Variants in SLC4A10 observed in about 807,000 individuals in gnomAD.
SLC4A10 encodes sodium-driven chloride bicarbonate exchanger.
In SLC4A10, 42 loss-of-function variants were observed where a neutral mutation model predicts 137.7. The observed-to-expected ratio is 0.30, with a 90% CI of 0.24 to 0.39. The LOEUF (loss-of-function observed/expected upper bound fraction) is 0.39, where lower values mean the gene tolerates loss of function less well. Among genes scored for constraint, SLC4A10 ranks in the 10% least tolerant of loss-of-function variants. The pLI is 1.00. For missense variants in SLC4A10, 925 were observed against 1,355.0 expected (o/e 0.68, Z 4.98); for synonymous variants, 474 against 464.1 (o/e 1.02, Z -0.27).
chr2:161,877,569 C>T (rs556668760), intron 8 of SLC4A10, among the ~76,000 whole-genome samples: 3 of 152,010 alleles, frequency 2.0e-5, no homozygotes, highest in Admixed American at 6.6e-5. Context: ...TAAATACCTA[C>T]AAAAATACCA....
At chr2:161,708,590 A>G in intron 1 of SLC4A10, 3 of 1,231,434 alleles carry the variant, frequency 2.4e-6, no homozygotes, top group South Asian at 3.4e-5. Context: ...GGTGTTTGTA[A>G]CTGCACAGGG....
intron 1 of SLC4A10, chr2:161,708,782 G>T: frequency 6.5e-7 from 1 of 1,532,784 alleles, no homozygotes; most frequent in South Asian, 1.2e-5. Flanking sequence ...AAATAGAAAG[G>T]TCATGCAGTC....
chr2:161,633,197 G>T (rs2033869093), intron 1 of SLC4A10, among the ~76,000 whole-genome samples: 1 of 151,634 alleles, frequency 6.6e-6, no homozygotes, highest in African/African-American at 2.4e-5. Flanking sequence ...TTTACAGTGG[G>T]TTTACCAGGG....
intron 5 of SLC4A10, among the ~76,000 whole-genome samples, chr2:161,859,260 C>T (rs2125873881): frequency 6.9e-6 from 1 of 144,244 alleles, no homozygotes; most frequent in East Asian, 2.2e-4. Flanking sequence ...AGGCCTTTTT[C>T]CACAAGTGCT....
chr2:161,734,402 C>A (rs1396410861), intron 1 of SLC4A10, among the ~76,000 whole-genome samples: 1 of 152,092 alleles, frequency 6.6e-6, no homozygotes. Context: ...TTTTGCATCT[C>A]TCTCATTTTT....
At chr2:161,947,838 GT>G in intron 17 of SLC4A10, 111 bp downstream of exon 17, 5 of 1,213,222 alleles carry the variant, frequency 4.1e-6, no homozygotes, top group Non-Finnish European at 5.7e-6. Context: ...GAGCTGCCAG[GT>G]TAGTTGTGGA....
intron 1 of SLC4A10, among the ~76,000 whole-genome samples, chr2:161,745,862 C>G (rs1282791990): frequency 1.3e-5 from 2 of 152,130 alleles, no homozygotes; most frequent in African/African-American, 4.8e-5. Context: ...TGTGTAAAAT[C>G]TCAGAAAATA....
chr2:161,910,837 C>T (rs917385808), intron 15 of SLC4A10, among the ~76,000 whole-genome samples: 2 of 151,838 alleles, frequency 1.3e-5, no homozygotes, highest in Admixed American at 6.6e-5. Flanking sequence ...AGAAGAGTAT[C>T]CTCTCTCTCA....
At chr2:161,820,169 A>C (rs1425688534) in intron 3 of SLC4A10, among the ~76,000 whole-genome samples, 1 of 152,294 alleles carries the variant, frequency 6.6e-6, no homozygotes, top group Admixed American at 6.5e-5. Flanking sequence ...TTAGGTGGTA[A>C]ATTGTGCACA....
At chr2:161,697,691 C>T (rs1195406830) in intron 1 of SLC4A10, among the ~76,000 whole-genome samples, 1 of 152,140 alleles carries the variant, frequency 6.6e-6, no homozygotes, top group Non-Finnish European at 1.5e-5. Flanking sequence ...CAGTACCATG[C>T]TGTTTTGGTT....
chr2:161,702,859 T>A (rs532175861), intron 1 of SLC4A10, among the ~76,000 whole-genome samples: 1 of 151,972 alleles, frequency 6.6e-6, no homozygotes, highest in South Asian at 2.1e-4. Context: ...ACAAGGACGC[T>A]TTATTTATCC....
Position 161,950,684 on chromosome 2 carries a change from C to T in SLC4A10, c.2380-3C>T. ...AACTATGCACATTCTTTACTTTATA[C>T]AGCCCACTAGAGATGATCGTGGCTG... On this transcript the variant is annotated splice_polypyrimidine_tract_variant and splice_region_variant and intron_variant, in intron 18 of 26. Coordinates refer to ENST00000446997, the MANE Select transcript of SLC4A10 (RefSeq NM_001178015.2). 2.5e-6 allele frequency: 4 copies of T among 1,578,738 alleles called. No individual in the cohort carries two copies. The highest frequency in any genetic ancestry group is 3.4e-6 in the Non-Finnish European group (4 of 1,160,422).
intron 26 of SLC4A10, 89 bp downstream of exon 26, chr2:161,977,849 T>A: frequency 7.8e-7 from 1 of 1,286,538 alleles, no homozygotes; most frequent in African/African-American, 1.5e-5. Flanking sequence ...CTATGTCCTC[T>A]GTGTGAGTTT....
chr2:161,951,359 T>C (rs1431606055), intron 19 of SLC4A10, among the ~76,000 whole-genome samples: 2 of 152,334 alleles, frequency 1.3e-5, no homozygotes, highest in African/African-American at 4.8e-5. Context: ...TTGAGTTTTA[T>C]TGCAGATTTC....
intron 21 of SLC4A10, among the ~76,000 whole-genome samples, chr2:161,962,627 A>G (rs1489895325): frequency 1.3e-5 from 2 of 152,182 alleles, no homozygotes; most frequent in Admixed American, 6.5e-5. Flanking sequence ...AGTAGCCTGC[A>G]TAGAATGTTT....
At position 161,630,918 on chromosome 2, in the gene SLC4A10, T is replaced by G. The variant is rs142869365; in HGVS notation, c.48+6352T>G. On this transcript the variant is annotated intron_variant, in intron 1 of 26. Coordinates refer to ENST00000446997, the MANE Select transcript of SLC4A10 (RefSeq NM_001178015.2). ...ATATTTTTTTAGTTAATAAGTAACT[T>G]GTCTCCCTTAACGCTAATTAAACAA... is the stretch of plus-strand genomic sequence containing the variant. Among the ~76,000 whole-genome samples, 1,015 of 151,870 alleles carry G rather than the reference T, an allele frequency of 6.7e-3. 7 individuals carry two copies. The highest frequency in any genetic ancestry group is 0.023 in the African/African-American group (961 of 41,520).
intron 2 of SLC4A10, among the ~76,000 whole-genome samples, chr2:161,788,992 T>C (rs2053926458): frequency 6.6e-6 from 1 of 152,328 alleles, no homozygotes; most frequent in Non-Finnish European, 1.5e-5. Flanking sequence ...CAGTCTCCTG[T>C]GGTTGCCAAA....
At chr2:161,858,787 A>G (rs1213621166) in intron 5 of SLC4A10, among the ~76,000 whole-genome samples, 3 of 152,198 alleles carry the variant, frequency 2.0e-5, no homozygotes, top group African/African-American at 7.2e-5. Context: ...AGTTGGTACC[A>G]TGGACAGATT....
At chr2:161,815,719 G>A (rs967492630) in intron 3 of SLC4A10, among the ~76,000 whole-genome samples, 1 of 152,038 alleles carries the variant, frequency 6.6e-6, no homozygotes, top group African/African-American at 2.4e-5. Context: ...CTAGGCACTG[G>A]TATTTTTAAA....
Sources: allele counts gnomAD v4.1 joint callset (sites outside exome capture counted in the v4.1 genomes callset), GRCh38; gene constraint gnomAD v4.1.1; transcripts MANE v1.5; gene names NCBI Gene and HGNC (gene_info 2026-07-23, HGNC 2026-07-21).